Variants in ME3 observed in about 807,000 individuals in gnomAD.
The protein encoded by ME3 is malic enzyme 3, also known as NADP-dependent malic enzyme, mitochondrial.
A neutral mutation model predicts 68.9 loss-of-function variants in ME3; 48 were observed. That is an observed-to-expected ratio of 0.70 (90% CI 0.55 to 0.89). The LOEUF (loss-of-function observed/expected upper bound fraction) is 0.89. ME3 is among the 40% of genes least tolerant of loss of function. The pLI, the probability that ME3 is intolerant of heterozygous loss-of-function variation, is 0.00. For synonymous variants in ME3, 320 were observed against 318.8 expected (o/e 1.00, Z -0.04); for missense variants, 675 against 797.4 (o/e 0.85, Z 1.85).
intron 2 of ME3, among the ~76,000 whole-genome samples, chr11:86,636,230 GC>G (rs35941464): frequency 0.071 from 10,755 of 151,628 alleles, 452 homozygotes; most frequent in East Asian, 0.14. Flanking sequence ...GCTTAGGGAT[GC>G]CTATTACATT....
At chr11:86,498,786 CTGA>C (rs1299238646) in intron 5 of ME3, among the ~76,000 whole-genome samples, 3 of 152,076 alleles carry the variant, frequency 2.0e-5, no homozygotes, top group South Asian at 2.1e-4. Flanking sequence ...ATGAATGAAG[CTGA>C]TGATGATGAT....
At chr11:86,524,842 C>T (rs908236696) in intron 4 of ME3, among the ~76,000 whole-genome samples, 1 of 152,312 alleles carries the variant, frequency 6.6e-6, no homozygotes, top group East Asian at 1.9e-4. Flanking sequence ...GATTACTCAT[C>T]AGATGCAATT....
chr11:86,449,689 A>G (rs548331835), intron 10 of ME3, among the ~76,000 whole-genome samples, 200 bp downstream of exon 10: 1 of 152,346 alleles, frequency 6.6e-6, no homozygotes, highest in African/African-American at 2.4e-5. Context: ...AGGGGCACAC[A>G]TCTACACACT....
chr11:86,530,242 T>C (rs900353546), intron 4 of ME3, among the ~76,000 whole-genome samples: 2 of 152,078 alleles, frequency 1.3e-5, no homozygotes, highest in African/African-American at 4.8e-5. Flanking sequence ...TGAACTCCCA[T>C]TCACAAATGC....
At chr11:86,642,847 A>G (rs1451466144) in intron 2 of ME3, among the ~76,000 whole-genome samples, 1 of 152,262 alleles carries the variant, frequency 6.6e-6, no homozygotes, top group Non-Finnish European at 1.5e-5. Context: ...TTAAAGACAC[A>G]TAACTGCCAA....
chr11:86,454,425 G>C (rs1949805512), intron 8 of ME3, among the ~76,000 whole-genome samples: 1 of 152,196 alleles, frequency 6.6e-6, no homozygotes, highest in African/African-American at 2.4e-5. Flanking sequence ...TAATGATTAA[G>C]TAAAGTAGCC....
At chr11:86,530,975 A>C (rs1395068081) in intron 4 of ME3, among the ~76,000 whole-genome samples, 1 of 152,166 alleles carries the variant, frequency 6.6e-6, no homozygotes, top group African/African-American at 2.4e-5. Context: ...AAGCAATGGC[A>C]ACAAAAGCCA....
chr11:86,500,752 C>G (rs1952670282), intron 5 of ME3, among the ~76,000 whole-genome samples: 1 of 152,204 alleles, frequency 6.6e-6, no homozygotes, highest in African/African-American at 2.4e-5. Context: ...CTGAATTTGC[C>G]TACCACCTCT....
chr11:86,495,411 C>T (rs554382280), intron 6 of ME3, among the ~76,000 whole-genome samples: 52 of 152,296 alleles, frequency 3.4e-4, no homozygotes, highest in African/African-American at 1.2e-3. Flanking sequence ...CAAAGGATCC[C>T]AATGCACCAG....
At chr11:86,622,948 G>A (rs1943437425) in intron 2 of ME3, 1 of 150,576 alleles carries the variant, frequency 6.6e-6, no homozygotes. Context: ...TTGGGAGAAT[G>A]ACCTTGTGTA....
rs113884671 is a variant in ME3 at position 86,623,064 on chromosome 11, G to T, written c.183+48698C>A. Among the ~76,000 whole-genome samples the T allele has an allele frequency of 4.4e-3, 673 of 152,290 alleles. 4 individuals are homozygous for T. Among genetic ancestry groups the T allele is most frequent in the African/African-American group, 0.015 (614 of 41,550 alleles). On this transcript the variant is annotated intron_variant, in intron 2 of 14. Coordinates refer to ENST00000543262, the Ensembl canonical transcript of ME3. ...CAACTTGACTGAGTCAGAGAATACC[G>T]AGACAGCAGGTAAAACATTATTTCT...
At chr11:86,609,149 T>G (rs1187536915) in intron 2 of ME3, among the ~76,000 whole-genome samples, 2 of 152,202 alleles carry the variant, frequency 1.3e-5, no homozygotes, top group African/African-American at 4.8e-5. Flanking sequence ...ATGCCTGGAT[T>G]TGAACTCAGG....
chr11:86,560,675 T>C (rs1957160253), intron 2 of ME3, among the ~76,000 whole-genome samples: 1 of 150,474 alleles, frequency 6.6e-6, no homozygotes, highest in Non-Finnish European at 1.5e-5. Context: ...TAACTGTATA[T>C]AGATAGATAA....
chr11:86,569,629 A>G (rs1016283784), intron 2 of ME3, among the ~76,000 whole-genome samples: 4 of 152,206 alleles, frequency 2.6e-5, no homozygotes, highest in South Asian at 4.1e-4. Flanking sequence ...ATCATCATCC[A>G]TAATAACAAT....
chr11:86,523,213 T>C (rs887912554), intron 4 of ME3, among the ~76,000 whole-genome samples: 3 of 152,368 alleles, frequency 2.0e-5, no homozygotes, highest in Non-Finnish European at 2.9e-5. Context: ...CCAACATTTA[T>C]TTAGCTCCCA....
intron 2 of ME3, among the ~76,000 whole-genome samples, chr11:86,628,286 G>T (rs1434778702): frequency 6.6e-6 from 1 of 152,192 alleles, no homozygotes; most frequent in East Asian, 1.9e-4. Flanking sequence ...GCCATCTCCA[G>T]CCTCCTCCCA....
chr11:86,512,785 C>G (rs1953636902), intron 4 of ME3, among the ~76,000 whole-genome samples: 1 of 152,164 alleles, frequency 6.6e-6, no homozygotes, highest in Admixed American at 6.5e-5. Flanking sequence ...AATTAACTTA[C>G]TCATAAGGTT....
At chr11:86,447,535 T>C (rs984856331) in intron 11 of ME3, among the ~76,000 whole-genome samples, 14 of 151,896 alleles carry the variant, frequency 9.2e-5, no homozygotes, top group African/African-American at 3.4e-4. Flanking sequence ...GGGAGAGAAA[T>C]GCCCATCTCA....
chr11:86,552,432 C>G (rs2139421188), intron 4 of ME3, among the ~76,000 whole-genome samples: 1 of 152,294 alleles, frequency 6.6e-6, no homozygotes, highest in Middle Eastern at 3.4e-3. Context: ...CCAGTGTGAG[C>G]AAGAATCCTG....
Sources: allele counts gnomAD v4.1 joint callset (sites outside exome capture counted in the v4.1 genomes callset), GRCh38; gene constraint gnomAD v4.1.1; transcripts MANE v1.5; gene names NCBI Gene and HGNC (gene_info 2026-07-23, HGNC 2026-07-21).